Variants in SPIDR observed in about 807,000 individuals in gnomAD.
The protein encoded by SPIDR is DNA repair-scaffolding protein.
Under a neutral mutation model 104.6 loss-of-function variants are expected in SPIDR, and 93 were observed. The observed-to-expected ratio is 0.89, with a 90% confidence interval of 0.75 to 1.06. SPIDR has a LOEUF of 1.06. Among genes scored for constraint, SPIDR ranks in the 50% least tolerant of loss-of-function variants. SPIDR has a pLI of 0.00. For synonymous variants in SPIDR, 431 were observed against 416.9 expected, an observed-to-expected ratio of 1.03 and a Z score of -0.41; for missense variants, 1,154 against 1,111.2, an observed-to-expected ratio of 1.04 and a Z score of -0.55.
In SPIDR at chr8:47,466,938, TAG is replaced by T. The variant is rs1425985091; in HGVS notation, c.1097+26398_1097+26399del. On this transcript the variant is annotated intron_variant, in intron 8 of 19. Coordinates refer to ENST00000297423, the MANE Select transcript of SPIDR (RefSeq NM_001080394.4). ...ATAGATAGATAGATAGATAGATAGA[TAG>T]ATAGATAGATATAAAAAATAGACTG... 1.1e-3 allele frequency among the ~76,000 whole-genome samples: 151 copies of T among 138,298 alleles called. 7 individuals are homozygous for T. The highest frequency in any genetic ancestry group is 1.5e-3 in the African/African-American group (54 of 37,116). 90.7% of individuals were successfully genotyped at this position (138,298 alleles called of 152,430 possible). A position where few individuals can be genotyped will look rare whatever the true frequency, so the allele number is the denominator to read the frequency against.
intron 1 of SPIDR, among the ~76,000 whole-genome samples, chr8:47,261,594 T>C (rs2032332493): frequency 6.6e-6 from 1 of 152,248 alleles, no homozygotes; most frequent in Non-Finnish European, 1.5e-5. Context: ...CTTTATCGTT[T>C]TAAAGTTTCT....
chr8:47,329,664 A>G (rs1337250538), intron 5 of SPIDR, among the ~76,000 whole-genome samples: 2 of 152,260 alleles, frequency 1.3e-5, no homozygotes, highest in African/African-American at 2.4e-5. Context: ...TTTTTATGCT[A>G]TTATTGTTAT....
At position 47,397,637 on chromosome 8, in the gene SPIDR, A is replaced by G. The variant is rs531332522; in HGVS notation, c.776+1011A>G. 2.8e-3 allele frequency among the ~76,000 whole-genome samples: 419 copies of G among 152,296 alleles called. 1 individual carries two copies. The highest frequency in any genetic ancestry group is 9.8e-3 in the African/African-American group (409 of 41,560). On this transcript the variant is annotated intron_variant, in intron 6 of 19. Transcript: ENST00000297423. The stretch of plus-strand genomic sequence containing the variant: ...CATGAAGAGCGTAGGTGTTGGATCC[A>G]CGGATGATATTGTTACATCATAAGA...
rs1378696289 is a variant in SPIDR, at chr8:47,736,142, G to C, written c.*692G>C. The C allele has an allele frequency of 6.5e-6, 1 of 153,874 alleles. No individual in the cohort carries two copies. Among genetic ancestry groups the C allele is most frequent in the Non-Finnish European group, 1.4e-5 (1 of 69,122 alleles). The allele number at this position is 153,874 out of a possible 1,614,324, so 9.5% of individuals were successfully genotyped here. A position where few individuals can be genotyped will look rare whatever the true frequency, so the allele number is the denominator to read the frequency against. ...CAGTCAGTCGGATATTTGCTTTGCT[G>C]GCAAAGATTTAAACCAAGAATTAAT... On this transcript the variant is annotated 3_prime_UTR_variant, in exon 20 of 20. Transcript: ENST00000297423.
chr8:47,546,954 G>A, intron 8 of SPIDR: 1 of 488,838 alleles, frequency 2.0e-6, no homozygotes, highest in Admixed American at 2.3e-5. Flanking sequence ...TGTTCCATTG[G>A]CATCTTTCAC....
chr8:47,627,687 C>A (rs112905353), intron 10 of SPIDR, among the ~76,000 whole-genome samples: 6 of 152,018 alleles, frequency 3.9e-5, no homozygotes, highest in African/African-American at 9.7e-5. Flanking sequence ...ATTCCTCCCC[C>A]CTCCCTGGCC....
intron 5 of SPIDR, among the ~76,000 whole-genome samples, chr8:47,368,739 A>G (rs2057589759): frequency 6.6e-6 from 1 of 152,218 alleles, no homozygotes; most frequent in African/African-American, 2.4e-5. Context: ...TAAAACATAC[A>G]TGCAATATTC....
At chr8:47,271,639 A>C (rs1285449765) in intron 1 of SPIDR, among the ~76,000 whole-genome samples, 1 of 151,802 alleles carries the variant, frequency 6.6e-6, no homozygotes, top group East Asian at 1.9e-4. Flanking sequence ...CACTTTTTGG[A>C]TATAGTTTCC....
intron 8 of SPIDR, among the ~76,000 whole-genome samples, chr8:47,544,604 G>A (rs2088894387): frequency 6.6e-6 from 1 of 152,130 alleles, no homozygotes; most frequent in South Asian, 2.1e-4. Context: ...TGTTGAAAAG[G>A]ACTTCTTCCC....
At chr8:47,361,130 A>T (rs1357265484) in intron 5 of SPIDR, among the ~76,000 whole-genome samples, 2 of 152,180 alleles carry the variant, frequency 1.3e-5, no homozygotes, top group Non-Finnish European at 2.9e-5. Flanking sequence ...GGTACCTCTG[A>T]CCTCAGTTTT....
At chr8:47,629,611 G>T (rs1167328350) in intron 10 of SPIDR, among the ~76,000 whole-genome samples, 1 of 152,204 alleles carries the variant, frequency 6.6e-6, no homozygotes, top group African/African-American at 2.4e-5. Context: ...AAATTAGCTG[G>T]GTGTGGCGGC....
chr8:47,671,159 C>G (rs2075738054), intron 10 of SPIDR, among the ~76,000 whole-genome samples: 1 of 152,192 alleles, frequency 6.6e-6, no homozygotes, highest in South Asian at 2.1e-4. Context: ...ATCCTCTCGC[C>G]TCAGCCTCCC....
chr8:47,680,349 G>A (rs1445332757), intron 11 of SPIDR, among the ~76,000 whole-genome samples: 2 of 152,174 alleles, frequency 1.3e-5, no homozygotes, highest in East Asian at 3.8e-4. Flanking sequence ...ACTGGCCCAG[G>A]GTCCACCAGC....
intron 8 of SPIDR, among the ~76,000 whole-genome samples, chr8:47,520,718 C>T (rs989816125): frequency 2.6e-5 from 4 of 152,188 alleles, no homozygotes; most frequent in Admixed American, 2.6e-4. Context: ...AAACTGAAGT[C>T]ATCAAGGTTA....
intron 10 of SPIDR, among the ~76,000 whole-genome samples, chr8:47,634,904 A>C (rs1420991802): frequency 6.6e-6 from 1 of 152,228 alleles, no homozygotes; most frequent in Non-Finnish European, 1.5e-5. Flanking sequence ...TTCACCATCC[A>C]GATTTCACCA....
Position 47,729,109 on chromosome 8 carries a change from CAG to C in SPIDR, c.2550+65_2550+66del, listed in dbSNP as rs770174937. 3.1e-6 allele frequency: 5 copies of C among 1,590,230 alleles called. No individual in the cohort carries two copies. In the South Asian group the frequency reaches 4.5e-5, roughly 14 times the overall value. Reference sequence around the variant, plus strand: ...TCACTCCAACATAGCGAAGGTGAGACAGAGCTGAAGCAGGTGCACGTCCTCCT... The same window carrying C: ...TCACTCCAACATAGCGAAGGTGAGACAGCTGAAGCAGGTGCACGTCCTCCT... On this transcript the variant is annotated intron_variant, in intron 18 of 19. Coordinates refer to ENST00000297423, the MANE Select transcript of SPIDR (RefSeq NM_001080394.4).
intron 11 of SPIDR, among the ~76,000 whole-genome samples, chr8:47,693,672 C>T (rs1449451227): frequency 1.3e-5 from 2 of 152,070 alleles, no homozygotes; most frequent in Non-Finnish European, 2.9e-5. Context: ...ACAAAACAGG[C>T]AGCACTAACT....
chr8:47,490,600 T>C (rs1304697981), intron 8 of SPIDR, among the ~76,000 whole-genome samples: 1 of 152,220 alleles, frequency 6.6e-6, no homozygotes, highest in Non-Finnish European at 1.5e-5. Context: ...CCAACCCAAA[T>C]GTCCAACAAT....
intron 10 of SPIDR, among the ~76,000 whole-genome samples, chr8:47,652,114 AT>A (rs1420917986): frequency 6.6e-6 from 1 of 152,208 alleles, no homozygotes; most frequent in Non-Finnish European, 1.5e-5. Flanking sequence ...AGCTATTGAA[AT>A]TTTTAAAAAA....
Sources: gnomAD v4.1 joint callset for allele counts (sites outside exome capture counted in the v4.1 genomes callset) on GRCh38, gnomAD v4.1.1 for gene constraint, MANE v1.5 for transcripts, NCBI Gene and HGNC (gene_info 2026-07-23, HGNC 2026-07-21) for gene names.